Variants in BTBD10 observed in about 807,000 individuals in gnomAD.
BTBD10 encodes the protein BTB/POZ domain-containing protein 10.
Under a neutral mutation model 53.2 loss-of-function variants are expected in BTBD10, and 21 were observed. The observed-to-expected ratio is 0.39, with a 90% CI of 0.28 to 0.57. The LOEUF (loss-of-function observed/expected upper bound fraction) is 0.57. BTBD10 is among the 20% of genes least tolerant of loss of function. BTBD10 has a pLI of 0.53. For synonymous variants in BTBD10, 149 were observed against 192.7 expected (o/e 0.77, Z 1.88); for missense variants, 360 against 594.7 (o/e 0.61, Z 4.10).
chr11:13,423,021 G>C (rs1440451349), intron 2 of BTBD10, among the ~76,000 whole-genome samples: 3 of 152,096 alleles, frequency 2.0e-5, no homozygotes, highest in African/African-American at 7.2e-5. Flanking sequence ...TACTAAATGG[G>C]TATCAGATAA....
intron 1 of BTBD10, among the ~76,000 whole-genome samples, chr11:13,453,591 G>T (rs1311516977): frequency 6.6e-6 from 1 of 151,956 alleles, no homozygotes; most frequent in Non-Finnish European, 1.5e-5. Context: ...AAATTTTTTT[G>T]GATTGCTTAA....
intron 4 of BTBD10, among the ~76,000 whole-genome samples, chr11:13,418,457 A>G: frequency 6.6e-6 from 1 of 152,096 alleles, no homozygotes; most frequent in African/African-American, 2.4e-5. Context: ...GTTTCTATAT[A>G]TTATGTAAAA....
intron 8 of BTBD10, 128 bp from the exon 9 acceptor site, chr11:13,389,269 T>C: frequency 1.4e-6 from 1 of 728,998 alleles, no homozygotes; most frequent in Non-Finnish European, 2.2e-6. Context: ...GAAAACAATA[T>C]TCCATCCACC....
rs182747900 is a variant in BTBD10 at position 13,450,068 on chromosome 11, A to G, written c.-57-4887T>C. Among the ~76,000 whole-genome samples the G allele has an allele frequency of 1.9e-4, 29 of 152,336 alleles. No individual in the cohort carries two copies. The Middle Eastern group carries it at 0.01, about 54-fold the overall frequency. The stretch of plus-strand genomic sequence containing the variant: ...CAAACTTTGTAGACAAAATATTTCA[A>G]GTGTAGCCATTACTAGAAAGACCTG... On this transcript the variant is annotated intron_variant, in intron 1 of 8. Transcript: ENST00000278174.
intron 1 of BTBD10, among the ~76,000 whole-genome samples, chr11:13,452,653 G>T (rs1430507875): frequency 6.6e-6 from 1 of 152,080 alleles, no homozygotes; most frequent in Non-Finnish European, 1.5e-5. Flanking sequence ...AAACTGGTGA[G>T]TTTTCATTTC....
chr11:13,390,391 T>G (rs1178739160), intron 8 of BTBD10, among the ~76,000 whole-genome samples: 1 of 151,992 alleles, frequency 6.6e-6, no homozygotes, highest in African/African-American at 2.4e-5. Context: ...TCACCCAGGC[T>G]GGAATGCAGT....
At chr11:13,458,543 T>A (rs917096875) in intron 1 of BTBD10, among the ~76,000 whole-genome samples, 4 of 152,238 alleles carry the variant, frequency 2.6e-5, no homozygotes, top group Non-Finnish European at 5.9e-5. Context: ...GTCTCAGCTG[T>A]CTTACTGCCT....
At chr11:13,449,214 T>C (rs1173488727) in intron 1 of BTBD10, among the ~76,000 whole-genome samples, 1 of 152,156 alleles carries the variant, frequency 6.6e-6, no homozygotes, top group Non-Finnish European at 1.5e-5. Context: ...CAATTAATGG[T>C]AATGATAAAT....
At chr11:13,445,591 C>T (rs1950737633) in intron 1 of BTBD10, among the ~76,000 whole-genome samples, 1 of 152,110 alleles carries the variant, frequency 6.6e-6, no homozygotes, top group African/African-American at 2.4e-5. Context: ...CTTAGGAAAG[C>T]ATGTAGTAAA....
intron 8 of BTBD10, among the ~76,000 whole-genome samples, chr11:13,402,593 TAA>T (rs1203780404): frequency 1.3e-5 from 2 of 152,168 alleles, no homozygotes; most frequent in Non-Finnish European, 1.5e-5. Flanking sequence ...TATTTTAAAA[TAA>T]AAGAGGCATC....
chr11:13,430,151 G>C (rs575867037), intron 2 of BTBD10, among the ~76,000 whole-genome samples: 1 of 152,174 alleles, frequency 6.6e-6, no homozygotes, highest in South Asian at 2.1e-4. Context: ...ACAAGCTTCA[G>C]ACTGGGAGAA....
rs920386583 is a variant in BTBD10 at position 13,401,399 on chromosome 11, ACC to A, written c.1117+1767_1117+1768del. On this transcript the variant is annotated intron_variant, in intron 8 of 8. Coordinates refer to ENST00000278174, the MANE Select transcript of BTBD10 (RefSeq NM_032320.7). ...AGAACCACCTATACCTAGGAACTAGACCACATGTTAGGTATGCAATATGCAAC... is the reference window on the plus strand; with the variant it reads ...AGAACCACCTATACCTAGGAACTAGAACATGTTAGGTATGCAATATGCAAC... Among the ~76,000 whole-genome samples the A allele has an allele frequency of 7.2e-5, 11 of 152,252 alleles. No individual in the cohort carries two copies. In the South Asian group the frequency reaches 2.1e-3, roughly 29 times the overall value.
chr11:13,448,125 ACAATATGC>A (rs1238195623), intron 1 of BTBD10, among the ~76,000 whole-genome samples: 1 of 152,140 alleles, frequency 6.6e-6, no homozygotes, highest in African/African-American at 2.4e-5. Flanking sequence ...AGCATTTACT[ACAATATGC>A]CAATATGCAA....
intron 2 of BTBD10, among the ~76,000 whole-genome samples, chr11:13,438,541 C>T (rs1315744024): frequency 2.6e-5 from 4 of 151,014 alleles, no homozygotes; most frequent in Non-Finnish European, 5.9e-5. Context: ...TAGAAGATCA[C>T]TTCATGACTA....
chr11:13,431,964 A>G (rs1459710087), intron 2 of BTBD10, among the ~76,000 whole-genome samples: 1 of 152,068 alleles, frequency 6.6e-6, no homozygotes, highest in Non-Finnish European at 1.5e-5. Context: ...TTATAACAAA[A>G]TCCAAGCCAT....
chr11:13,420,843 T>G (rs1201767761), intron 3 of BTBD10, among the ~76,000 whole-genome samples: 1 of 152,220 alleles, frequency 6.6e-6, no homozygotes, highest in Admixed American at 6.5e-5. Flanking sequence ...GACTTTTGCA[T>G]GTAACAAACT....
At chr11:13,396,899 T>G (rs1490389720) in intron 8 of BTBD10, among the ~76,000 whole-genome samples, 2 of 152,232 alleles carry the variant, frequency 1.3e-5, no homozygotes, top group Admixed American at 1.3e-4. Flanking sequence ...GCCCACTTGA[T>G]CATGGTGGAT....
intron 8 of BTBD10, among the ~76,000 whole-genome samples, chr11:13,398,901 C>A (rs548901861): frequency 5.9e-5 from 9 of 152,222 alleles, no homozygotes; most frequent in African/African-American, 1.7e-4. Context: ...AGAGTTTCTG[C>A]TGAGAGATCA....
chr11:13,443,506 G>GA (rs1950700225), intron 2 of BTBD10, among the ~76,000 whole-genome samples: 1 of 151,252 alleles, frequency 6.6e-6, no homozygotes, highest in Non-Finnish European at 1.5e-5. Context: ...CAAGAACTAG[G>GA]ATGAATACTA....
Sources: allele counts gnomAD v4.1 joint callset (sites outside exome capture counted in the v4.1 genomes callset), GRCh38; gene constraint gnomAD v4.1.1; transcripts MANE v1.5; gene names NCBI Gene and HGNC (gene_info 2026-07-23, HGNC 2026-07-21).